ANK3: variants seen among roughly 807,000 people sequenced by gnomAD.
ANK3 encodes the protein ankyrin 3.
In ANK3, 57 loss-of-function variants were observed where a neutral mutation model predicts 370.9. The ratio of observed to expected loss-of-function variants is 0.15; its 90% confidence interval spans 0.12 to 0.19. ANK3 has a LOEUF of 0.19. Among genes scored for constraint, ANK3 ranks in the 10% least tolerant of loss-of-function variants. The probability of loss-of-function intolerance (pLI) is 1.00; values close to 1 mark genes in which losing one functional copy is unlikely to be tolerated. For missense variants in ANK3, 4,439 were observed against 5,302.1 expected (o/e 0.84, Z 5.06); for synonymous variants, 1,929 against 1,946.3 (o/e 0.99, Z 0.23).
chr10:60,447,843 T>G (rs1190631894), intron 2 of ANK3, among the ~76,000 whole-genome samples: 5 of 152,152 alleles, frequency 3.3e-5, no homozygotes, highest in African/African-American at 1.2e-4. Context: ...AACCTTGCTG[T>G]GTCACTTACC....
intron 25 of ANK3, among the ~76,000 whole-genome samples, chr10:60,127,719 GAC>G (rs1229441778): frequency 7.8e-6 from 1 of 128,528 alleles, no homozygotes; most frequent in East Asian, 2.1e-4. Flanking sequence ...TTTTTTTGGA[GAC>G]AGAGTCTCGC....
intron 2 of ANK3, among the ~76,000 whole-genome samples, chr10:60,560,794 C>T (rs2077318184): frequency 6.6e-6 from 1 of 151,926 alleles, no homozygotes; most frequent in African/African-American, 2.4e-5. Context: ...TAAAAAGAAA[C>T]TTTGAAGTTA....
chr10:60,402,334 T>A (rs2063368343), intron 2 of ANK3, among the ~76,000 whole-genome samples: 1 of 152,312 alleles, frequency 6.6e-6, no homozygotes, highest in Non-Finnish European at 1.5e-5. Flanking sequence ...ATGGTTTTGA[T>A]GAGACACCAA....
chr10:60,348,224 A>C (rs2056066956), intron 1 of ANK3, among the ~76,000 whole-genome samples: 2 of 151,924 alleles, frequency 1.3e-5, no homozygotes, highest in Non-Finnish European at 2.9e-5. Flanking sequence ...TGAGTCTTAC[A>C]TCTTTGAAAC....
intron 2 of ANK3, among the ~76,000 whole-genome samples, chr10:60,442,041 C>A (rs116366138): frequency 6.6e-6 from 1 of 151,914 alleles, no homozygotes; most frequent in East Asian, 1.9e-4. Context: ...TGCTCACACC[C>A]CTGATGTAAA....
chr10:60,457,680 G>C (rs1015105738), intron 2 of ANK3, among the ~76,000 whole-genome samples: 5 of 152,048 alleles, frequency 3.3e-5, no homozygotes, highest in Admixed American at 2.6e-4. Flanking sequence ...AGGTGAAAAT[G>C]ACAGGAAAAG....
intron 23 of ANK3, among the ~76,000 whole-genome samples, chr10:60,155,803 G>C (rs1460609000): frequency 6.6e-6 from 1 of 152,190 alleles, no homozygotes; most frequent in Non-Finnish European, 1.5e-5. Flanking sequence ...TCCCATGCTG[G>C]ATGCTTCCTG....
chr10:60,083,398 TTC>T (rs1199294769), intron 33 of ANK3, 92 bp downstream of exon 33: 3 of 1,369,682 alleles, frequency 2.2e-6, no homozygotes, highest in Non-Finnish European at 3.0e-6. Flanking sequence ...GACGGGGTAT[TTC>T]AAATTAAATA....
intron 2 of ANK3, among the ~76,000 whole-genome samples, chr10:60,585,770 T>A (rs543150293): frequency 4.6e-5 from 7 of 152,246 alleles, no homozygotes; most frequent in African/African-American, 9.6e-5. Flanking sequence ...ACGTACGTAA[T>A]CCCAGCACTT....
chr10:60,586,209 G>A (rs141951789), intron 2 of ANK3, among the ~76,000 whole-genome samples: 7 of 152,218 alleles, frequency 4.6e-5, no homozygotes, highest in East Asian at 3.9e-4. Context: ...AAATGTGAAC[G>A]TGGATGAAAA....
chr10:60,168,580 G>A (rs2095687647), intron 21 of ANK3, among the ~76,000 whole-genome samples: 1 of 152,048 alleles, frequency 6.6e-6, no homozygotes, highest in South Asian at 2.1e-4. Context: ...TAAATGTGCA[G>A]GACATGCAGG....
intron 2 of ANK3, among the ~76,000 whole-genome samples, chr10:60,564,857 C>T (rs1447792538): frequency 6.6e-6 from 1 of 152,120 alleles, no homozygotes; most frequent in Non-Finnish European, 1.5e-5. Context: ...GAAAAGGCAG[C>T]TGAACTGAAA....
chr10:60,523,325 G>A (rs1311273249), intron 2 of ANK3, among the ~76,000 whole-genome samples: 1 of 151,442 alleles, frequency 6.6e-6, no homozygotes, highest in Non-Finnish European at 1.5e-5. Flanking sequence ...GTGCCATGTT[G>A]GTGTGCTGCA....
chr10:60,237,547 A>G (rs2097352172), intron 7 of ANK3, among the ~76,000 whole-genome samples: 1 of 152,086 alleles, frequency 6.6e-6, no homozygotes, highest in Admixed American at 6.6e-5. Flanking sequence ...GCACTCTCTC[A>G]TACTGTGGAT....
chr10:60,169,250 A>G (rs1018017039), intron 21 of ANK3, among the ~76,000 whole-genome samples: 4 of 151,682 alleles, frequency 2.6e-5, no homozygotes, highest in Non-Finnish European at 5.9e-5. Context: ...GACTGGTATG[A>G]GAGGGTATCT....
intron 2 of ANK3, among the ~76,000 whole-genome samples, chr10:60,433,756 C>T (rs563746365): frequency 1.1e-3 from 164 of 152,316 alleles, no homozygotes; most frequent in Non-Finnish European, 1.6e-3. Context: ...GAAAAACACT[C>T]TTACTACATC....
chr10:60,266,651 G>T (rs1329904336), intron 5 of ANK3, among the ~76,000 whole-genome samples: 1 of 152,190 alleles, frequency 6.6e-6, no homozygotes, highest in Admixed American at 6.5e-5. Context: ...GATTAGCAGT[G>T]ACAAGAATAT....
At chr10:60,334,421 T>A (rs898522377) in intron 1 of ANK3, among the ~76,000 whole-genome samples, 3 of 152,166 alleles carry the variant, frequency 2.0e-5, no homozygotes, top group Admixed American at 6.6e-5. Context: ...AAATTTGCAC[T>A]CTTAGCAAGC....
chr10:60,035,276 T>A (rs958161909), intron 43 of ANK3, among the ~76,000 whole-genome samples: 1 of 152,014 alleles, frequency 6.6e-6, no homozygotes, highest in Non-Finnish European at 1.5e-5. Context: ...CCAGATGGAG[T>A]CTTGCTCTGT....
Sources: allele counts gnomAD v4.1 joint callset (sites outside exome capture counted in the v4.1 genomes callset), GRCh38; gene constraint gnomAD v4.1.1; transcripts MANE v1.5; gene names NCBI Gene and HGNC (gene_info 2026-07-23, HGNC 2026-07-21).